The following ANO10 variants were observed in gnomAD, a reference collection of about 807,000 sequenced individuals.
The protein encoded by ANO10 is anoctamin 10.
ANO10 carries 77 observed loss-of-function variants against 74.7 expected under a neutral mutation model. That is an observed-to-expected ratio of 1.03 (90% CI 0.86 to 1.25). ANO10 has a LOEUF of 1.25. ANO10 is among the 50% of genes most tolerant of loss of function. The probability of loss-of-function intolerance (pLI) is 0.00; values close to 1 mark genes in which losing one functional copy is unlikely to be tolerated. For missense variants in ANO10, 721 were observed against 778.1 expected (o/e 0.93, Z 0.87); for synonymous variants, 279 against 284.9 (o/e 0.98, Z 0.21).
At chr3:43,532,873 G>T (rs1485113398) in intron 11 of ANO10, among the ~76,000 whole-genome samples, 1 of 152,134 alleles carries the variant, frequency 6.6e-6, no homozygotes, top group Non-Finnish European at 1.5e-5. Context: ...AGTGAGGAGG[G>T]GAATTCATGT....
At chr3:43,655,326 C>T (rs1311251297) in intron 1 of ANO10, among the ~76,000 whole-genome samples, 1 of 152,124 alleles carries the variant, frequency 6.6e-6, no homozygotes, top group African/African-American at 2.4e-5. Flanking sequence ...TTTGGAGTTT[C>T]TTCCTTCTGG....
intron 1 of ANO10, among the ~76,000 whole-genome samples, chr3:43,659,282 G>A (rs372590506): frequency 9.9e-5 from 15 of 152,276 alleles, no homozygotes; most frequent in East Asian, 1.9e-4. Context: ...GCAAGGGGTC[G>A]GGGCATTTCC....
intron 4 of ANO10, among the ~76,000 whole-genome samples, chr3:43,587,286 G>A (rs1196934145): frequency 6.6e-6 from 1 of 152,178 alleles, no homozygotes; most frequent in Non-Finnish European, 1.5e-5. Context: ...AGAGACAGGG[G>A]AGACTGCAAC....
intron 11 of ANO10, among the ~76,000 whole-genome samples, chr3:43,505,303 A>C (rs1280912035): frequency 2.6e-5 from 4 of 152,214 alleles, no homozygotes; most frequent in Non-Finnish European, 5.9e-5. Context: ...ATTTTCTGTC[A>C]CATCACTTTT....
At chr3:43,604,243 T>C (rs2082460136) in intron 2 of ANO10, among the ~76,000 whole-genome samples, 2 of 151,952 alleles carry the variant, frequency 1.3e-5, no homozygotes, top group Non-Finnish European at 2.9e-5. Context: ...ATATCCTCCT[T>C]CTAGCTATTT....
chr3:43,638,336 T>C (rs919278058), intron 1 of ANO10, among the ~76,000 whole-genome samples: 1 of 152,226 alleles, frequency 6.6e-6, no homozygotes, highest in African/African-American at 2.4e-5. Flanking sequence ...GAAGCTTTTT[T>C]GAGATGTTTT....
At chr3:43,518,548 C>G (rs995185149) in intron 11 of ANO10, among the ~76,000 whole-genome samples, 1 of 152,164 alleles carries the variant, frequency 6.6e-6, no homozygotes, top group Non-Finnish European at 1.5e-5. Context: ...AGGGGCTGGA[C>G]AGAACAGTCA....
chr3:43,541,643 C>A (rs2078959879), intron 11 of ANO10, among the ~76,000 whole-genome samples: 1 of 152,086 alleles, frequency 6.6e-6, no homozygotes, highest in African/African-American at 2.4e-5. Context: ...ATGACTCATT[C>A]ATTAATTAAT....
chr3:43,429,284 A>G (rs1383010855), intron 12 of ANO10, among the ~76,000 whole-genome samples: 1 of 152,150 alleles, frequency 6.6e-6, no homozygotes, highest in Non-Finnish European at 1.5e-5. Context: ...CATTCTCTCA[A>G]GAAGAATCCT....
At chr3:43,644,285 C>A (rs2083704712) in intron 1 of ANO10, among the ~76,000 whole-genome samples, 1 of 152,146 alleles carries the variant, frequency 6.6e-6, no homozygotes, top group South Asian at 2.1e-4. Context: ...TTTGTCCCAA[C>A]ACTATGTATT....
chr3:43,673,645 G>T (rs1044850335), intron 1 of ANO10, among the ~76,000 whole-genome samples: 1 of 152,146 alleles, frequency 6.6e-6, no homozygotes, highest in Non-Finnish European at 1.5e-5. Flanking sequence ...AAAGTTTGAA[G>T]ATCTGAAATA....
chr3:43,372,853 G>A (rs2091666457), intron 12 of ANO10: 1 of 1,535,280 alleles, frequency 6.5e-7, no homozygotes, highest in African/African-American at 1.4e-5. Context: ...GCAGCCTGCA[G>A]TAGCAGCCAG....
chr3:43,480,457 C>A (rs1214670321), intron 11 of ANO10, among the ~76,000 whole-genome samples: 1 of 152,090 alleles, frequency 6.6e-6, no homozygotes, highest in Admixed American at 6.6e-5. Flanking sequence ...TGAACAGACC[C>A]CGTGTAAAGG....
chr3:43,556,261 C>CTT (rs2079744660), intron 9 of ANO10, among the ~76,000 whole-genome samples: 4 of 152,092 alleles, frequency 2.6e-5, no homozygotes, highest in Non-Finnish European at 4.4e-5. Context: ...ATCCTGATAC[C>CTT]CTATGCTCAG....
chr3:43,623,155 C>A (rs961934625), upstream of ANO10, among the ~76,000 whole-genome samples: 1 of 152,142 alleles, frequency 6.6e-6, no homozygotes, highest in African/African-American at 2.4e-5. Context: ...CGTGAGCCAC[C>A]GCGCCCTGCC....
At chr3:43,480,603 G>C (rs1416197861) in intron 11 of ANO10, among the ~76,000 whole-genome samples, 1 of 152,174 alleles carries the variant, frequency 6.6e-6, no homozygotes, top group Non-Finnish European at 1.5e-5. Flanking sequence ...TCATGAACCT[G>C]CCAAGATAAA....
chr3:43,373,403 C>T (rs1028878439), intron 12 of ANO10, among the ~76,000 whole-genome samples: 8 of 152,012 alleles, frequency 5.3e-5, no homozygotes, highest in African/African-American at 1.7e-4. Context: ...CAGAAAGGCT[C>T]CCGCTCACAC....
chr3:43,561,203 G>A lies in ANO10; in HGVS notation c.1476+17C>T, dbSNP rs1397823330. The stretch of plus-strand genomic sequence containing the variant: ...TCACTCTCAGTAAATGTTTAATTCA[G>A]CAATATTCCAACTTACCAAATAAGT... On this transcript the variant is annotated intron_variant, in intron 9 of 12. Transcript: ENST00000292246. 1 of 1,612,988 alleles carries A rather than the reference G, an allele frequency of 6.2e-7. No homozygotes were observed. The highest frequency in any genetic ancestry group is 1.3e-5 in the African/African-American group (1 of 74,906).
intron 11 of ANO10, among the ~76,000 whole-genome samples, chr3:43,433,100 CCTAA>C (rs941646282): frequency 2.6e-4 from 40 of 151,524 alleles, no homozygotes; most frequent in Admixed American, 1.1e-3. Context: ...CACCATCACA[CCTAA>C]CTAATTTTTT....
Sources: allele counts gnomAD v4.1 joint callset (sites outside exome capture counted in the v4.1 genomes callset), GRCh38; gene constraint gnomAD v4.1.1; transcripts MANE v1.5; gene names NCBI Gene and HGNC (gene_info 2026-07-23, HGNC 2026-07-21).